The following ZCCHC14 variants were observed in gnomAD, a reference collection of about 807,000 sequenced individuals.
ZCCHC14 encodes the protein zinc finger CCHC domain-containing protein 14.
A neutral mutation model predicts 85.0 loss-of-function variants in ZCCHC14; 16 were observed. The observed-to-expected ratio is 0.19, with a 90% CI of 0.13 to 0.29. The LOEUF (loss-of-function observed/expected upper bound fraction) is 0.29, where lower values mean the gene tolerates loss of function less well. Among genes scored for constraint, ZCCHC14 ranks in the 10% least tolerant of loss-of-function variants. The pLI, the probability that ZCCHC14 is intolerant of heterozygous loss-of-function variation, is 1.00. For missense variants in ZCCHC14, 1,303 were observed against 1,443.5 expected, an observed-to-expected ratio of 0.90 and a Z score of 1.58; for synonymous variants, 775 against 630.7, an observed-to-expected ratio of 1.23 and a Z score of -3.43.
chr16:87,459,602 T>C (rs1024585626), intron 2 of ZCCHC14, among the ~76,000 whole-genome samples: 1 of 151,680 alleles, frequency 6.6e-6, no homozygotes, highest in Non-Finnish European at 1.5e-5. Context: ...CTCCGCCTCC[T>C]GGGTTCAAGC....
intron 1 of ZCCHC14, among the ~76,000 whole-genome samples, chr16:87,490,957 G>A (rs745340509): frequency 2.0e-4 from 31 of 152,354 alleles, no homozygotes; most frequent in Non-Finnish European, 7.3e-5. Flanking sequence ...CTGTGTGGAG[G>A]GAGCGGCTCA....
intron 1 of ZCCHC14, among the ~76,000 whole-genome samples, chr16:87,462,665 G>A (rs964120646): frequency 2.6e-5 from 4 of 151,994 alleles, no homozygotes; most frequent in East Asian, 3.9e-4. Context: ...GTGTGAACCC[G>A]GAAGGTGGAG....
rs1267564482 is a variant in ZCCHC14, at chr16:87,407,389, C to T, written c.*2891G>A. 1.3e-5 allele frequency: 2 copies of T among 152,242 alleles called. No homozygotes were observed. Among genetic ancestry groups the T allele is most frequent in the African/African-American group, 2.4e-5 (1 of 41,462 alleles). The allele number at this position is 152,242 out of a possible 1,614,324, so 9.4% of individuals were successfully genotyped here. ...TGTCTTTATTTTTATTACAAGTGCG[C>T]TAGCTCCCATTTCCTCAGTGCTCTT... On this transcript the variant is annotated 3_prime_UTR_variant, in exon 13 of 13. Transcript: ENST00000671377.
At chr16:87,487,033 C>T (rs1912541715) in intron 1 of ZCCHC14, among the ~76,000 whole-genome samples, 1 of 152,214 alleles carries the variant, frequency 6.6e-6, no homozygotes, top group South Asian at 2.1e-4. Context: ...TGAACTATCC[C>T]ATGTTTCACC....
chr16:87,464,730 A>G (rs1010491005), intron 1 of ZCCHC14, among the ~76,000 whole-genome samples: 2 of 152,232 alleles, frequency 1.3e-5, no homozygotes, highest in African/African-American at 4.8e-5. Context: ...CCAAGCCTTT[A>G]TCGTAACTTT....
At chr16:87,431,809 G>A (rs1379563761) in intron 3 of ZCCHC14, among the ~76,000 whole-genome samples, 2 of 152,216 alleles carry the variant, frequency 1.3e-5, no homozygotes, top group Non-Finnish European at 2.9e-5. Context: ...TGGGACCGCT[G>A]CTGGGTTCCA....
In ZCCHC14 at chr16:87,480,464, T is replaced by C. The variant is rs1386248715; in HGVS notation, c.570+11205A>G. On this transcript the variant is annotated intron_variant, in intron 1 of 12. Transcript: ENST00000671377. The stretch of plus-strand genomic sequence containing the variant: ...ACAGATGTTAAAATTCAAGTTAAAC[T>C]TCACTAGAATCTCCAGCTACATAAT... Among the ~76,000 whole-genome samples the C allele has an allele frequency of 4.9e-4, 74 of 152,288 alleles. 1 individual carries two copies. The highest frequency in any genetic ancestry group is 1.3e-4 in the Non-Finnish European group (9 of 68,030).
At chr16:87,480,629 C>A (rs989382385) in intron 1 of ZCCHC14, among the ~76,000 whole-genome samples, 13 of 152,158 alleles carry the variant, frequency 8.5e-5, no homozygotes, top group African/African-American at 2.9e-4. Context: ...TTTTCATCCA[C>A]CCAACACCTC....
chr16:87,441,892 G>A (rs552961642), intron 2 of ZCCHC14, among the ~76,000 whole-genome samples: 1 of 152,360 alleles, frequency 6.6e-6, no homozygotes, highest in East Asian at 1.9e-4. Flanking sequence ...CTGGAAGGGA[G>A]ACGCTCCTCT....
intron 2 of ZCCHC14, among the ~76,000 whole-genome samples, chr16:87,441,222 G>A (rs1370836289): frequency 6.6e-6 from 1 of 151,296 alleles, no homozygotes; most frequent in Non-Finnish European, 1.5e-5. Context: ...TCGATCTCCC[G>A]ACCTCGTGAT....
At chr16:87,419,117 C>T (rs541278150) in intron 6 of ZCCHC14, among the ~76,000 whole-genome samples, 5 of 149,618 alleles carry the variant, frequency 3.3e-5, no homozygotes, top group South Asian at 2.1e-4. Context: ...CCACCACGCC[C>T]GGCTAATTTT....
At chr16:87,423,991 T>C (rs1909238990) in intron 3 of ZCCHC14, 110 bp from the exon 4 acceptor site, 1 of 1,154,820 alleles carries the variant, frequency 8.7e-7, no homozygotes. Flanking sequence ...CTGAGCCCAG[T>C]GGGCCGTGCA....
At chr16:87,436,902 T>C (rs918600941) in intron 2 of ZCCHC14, among the ~76,000 whole-genome samples, 2 of 152,156 alleles carry the variant, frequency 1.3e-5, no homozygotes, top group Non-Finnish European at 2.9e-5. Flanking sequence ...ATTTCTGTAA[T>C]GTGGTTTTGC....
intron 1 of ZCCHC14, among the ~76,000 whole-genome samples, chr16:87,488,413 G>A (rs986743618): frequency 6.6e-6 from 1 of 152,088 alleles, no homozygotes; most frequent in African/African-American, 2.4e-5. Flanking sequence ...GCTACTGGAA[G>A]TATTTTTCTT....
Position 87,420,008 on chromosome 16 carries a change from A to C in ZCCHC14, c.951-131T>G, listed in dbSNP as rs567233788. ...AAAAAGCCAGAAGTGCCAGAGCCTC[A>C]TATTCTTCCTGCTTTAATTCAACTG... is the stretch of plus-strand genomic sequence containing the variant. On this transcript the variant is annotated intron_variant, in intron 5 of 12. Transcript: ENST00000671377. The surrounding 1 kb of genome is among the most constrained non-coding windows in gnomAD (Gnocchi z 5.0). The C allele has an allele frequency of 2.9e-5, 19 of 650,678 alleles. No individual in the cohort carries two copies. The highest frequency in any genetic ancestry group is 4.3e-5 in the Non-Finnish European group (17 of 397,056). The allele number at this position is 650,678 out of a possible 1,614,324, so 40.3% of individuals were successfully genotyped here.
At chr16:87,489,551 C>T (rs1234936993) in intron 1 of ZCCHC14, among the ~76,000 whole-genome samples, 1 of 152,184 alleles carries the variant, frequency 6.6e-6, no homozygotes, top group East Asian at 1.9e-4. Flanking sequence ...CCTATGTAAT[C>T]CTCAACACAA....
chr16:87,426,582 A>T (rs942375890), intron 3 of ZCCHC14, among the ~76,000 whole-genome samples: 3 of 152,190 alleles, frequency 2.0e-5, no homozygotes, highest in Non-Finnish European at 4.4e-5. Context: ...TTTTCCACAC[A>T]GCCTCCCCCT....
Position 87,460,101 on chromosome 16 carries a change from T to G in ZCCHC14, c.601A>C (p.Ser201Arg). ...GCATTCTCCAAACTATTACTGACACTGCTGACAGGGGCCTCAGTTCTTGGA... is the reference window on the plus strand; with the variant it reads ...GCATTCTCCAAACTATTACTGACACGGCTGACAGGGGCCTCAGTTCTTGGA... The part of the protein sequence containing the change: ...ITPRTEAPVS[S>R]VSNSLENALH... Residue 201 changes from serine to arginine, a missense_variant, in exon 2 of 13, where the codon AGT becomes CGT. Physicochemically the swap from Ser to Arg is moderately radical, Grantham distance 110. This residue lies in a region of ZCCHC14 where 389 missense variants were observed against 397.8 expected (regional missense o/e 0.98). Coordinates refer to ENST00000671377, the MANE Select transcript of ZCCHC14 (RefSeq NM_015144.3). 6.2e-7 allele frequency: 1 copy of G among 1,614,142 alleles called. No individual in the cohort carries two copies. The highest frequency in any genetic ancestry group is 8.5e-7 in the Non-Finnish European group (1 of 1,180,022).
Position 87,468,906 on chromosome 16 carries a change from T to C in ZCCHC14, c.571-8775A>G, listed in dbSNP as rs1474347148. 2.0e-5 allele frequency among the ~76,000 whole-genome samples: 3 copies of C among 152,316 alleles called. No individual in the cohort carries two copies. The East Asian group carries it at 5.8e-4, about 29-fold the overall frequency. ...GTTTATTTTCCCTAATATTGAGTAC[T>C]GCGTCTGCATGTGGAATACCTGGGA... On this transcript the variant is annotated intron_variant, in intron 1 of 12. Transcript: ENST00000671377.
Sources: gnomAD v4.1 joint callset for allele counts (sites outside exome capture counted in the v4.1 genomes callset) on GRCh38, gnomAD v4.1.1 for gene constraint, gnomAD v4.1.1 regional missense constraint, Gnocchi (gnomAD v3.1) non-coding constraint, MANE v1.5 for transcripts, NCBI Gene and HGNC (gene_info 2026-07-23, HGNC 2026-07-21) for gene names.